RPS6KA6: variants seen among roughly 807,000 people sequenced by gnomAD.
RPS6KA6 encodes the protein ribosomal protein S6 kinase A6, also known as ribosomal protein S6 kinase alpha-6.
RPS6KA6 carries 27 observed loss-of-function variants against 65.4 expected under a neutral mutation model. The ratio of observed to expected loss-of-function variants is 0.41; its 90% CI spans 0.30 to 0.57. RPS6KA6 has a LOEUF of 0.57. Ranked by LOEUF, RPS6KA6 falls within the 20% of genes least tolerant of loss-of-function variation. RPS6KA6 has a pLI of 0.24. For synonymous variants in RPS6KA6, 190 were observed against 184.2 expected (o/e 1.03, Z -0.26); for missense variants, 486 against 555.6 (o/e 0.87, Z 1.26).
At chrX:84,120,109 A>G in intron 8 of RPS6KA6, 82 bp from the exon 9 acceptor site, 1 of 683,650 alleles carries the variant, frequency 1.5e-6, no homozygotes, top group Non-Finnish European at 2.1e-6. Flanking sequence ...ATAATGTATT[A>G]AACATTACAA....
intron 5 of RPS6KA6, among the ~76,000 whole-genome samples, chrX:84,146,227 A>C: frequency 9.0e-6 from 1 of 111,643 alleles, no homozygotes; most frequent in Admixed American, 9.6e-5. Flanking sequence ...CTGTTAGTAT[A>C]ACAAGGAGTA....
chrX:84,105,457 A>G (rs2147429965), intron 16 of RPS6KA6, among the ~76,000 whole-genome samples: 1 of 111,376 alleles, frequency 9.0e-6, no homozygotes, highest in African/African-American at 3.2e-5. Flanking sequence ...AATTTGGCAG[A>G]TCCCCAGTCT....
chrX:84,111,882 T>G (rs1156537556), intron 12 of RPS6KA6, among the ~76,000 whole-genome samples: 3 of 111,447 alleles, frequency 2.7e-5, no homozygotes, highest in Admixed American at 1.9e-4. Context: ...CCAAAATACG[T>G]AGACCAGCAA....
intron 6 of RPS6KA6, among the ~76,000 whole-genome samples, chrX:84,140,859 CT>C (rs997051106): frequency 2.8e-5 from 3 of 108,550 alleles, no homozygotes; most frequent in African/African-American, 1.0e-4. Context: ...ACCCACTCAG[CT>C]CACAAAGGAC....
At chrX:84,106,549 T>G in intron 14 of RPS6KA6, 62 bp from the exon 15 acceptor site, 2 of 788,721 alleles carry the variant, frequency 2.5e-6, no homozygotes, top group Non-Finnish European at 3.6e-6. Flanking sequence ...TTTCTGTCTT[T>G]TGTCCTAAAT....
chrX:84,182,216 A>G (rs759049756), intron 1 of RPS6KA6, among the ~76,000 whole-genome samples: 7 of 110,614 alleles, frequency 6.3e-5, no homozygotes, highest in Non-Finnish European at 1.1e-4. Context: ...TGCAAAAGCC[A>G]GATTTAGCTC....
intron 6 of RPS6KA6, among the ~76,000 whole-genome samples, chrX:84,138,914 C>A (rs374004614): frequency 2.1e-4 from 23 of 109,918 alleles, no homozygotes; most frequent in East Asian, 2.0e-3. Context: ...TTATAAAATT[C>A]TTTAAAACAT....
chrX:84,072,661 C>T (rs2033571173), intron 20 of RPS6KA6, among the ~76,000 whole-genome samples: 1 of 111,553 alleles, frequency 9.0e-6, no homozygotes, highest in African/African-American at 3.3e-5. Context: ...CTAAAGATGC[C>T]ACCAAAAATT....
chrX:84,118,847 T>C (rs202060009), intron 9 of RPS6KA6, among the ~76,000 whole-genome samples: 2 of 111,870 alleles, frequency 1.8e-5, no homozygotes, highest in East Asian at 5.7e-4. Flanking sequence ...TACAATTTTC[T>C]CTAATTTCCA....
chrX:84,161,021 C>G (rs73232990), intron 2 of RPS6KA6, among the ~76,000 whole-genome samples: 151 of 110,843 alleles, frequency 1.4e-3, no homozygotes, highest in Non-Finnish European at 2.4e-3. Flanking sequence ...GTTCCCTCAT[C>G]TACAAATTGG....
intron 1 of RPS6KA6, among the ~76,000 whole-genome samples, chrX:84,164,912 T>G (rs2035574109): frequency 9.0e-6 from 1 of 111,685 alleles, no homozygotes; most frequent in Admixed American, 9.5e-5. Context: ...CATGCAGAGC[T>G]CAGTAGGTAA....
chrX:84,082,391 G>A (rs1181619042), intron 20 of RPS6KA6, among the ~76,000 whole-genome samples: 3 of 111,545 alleles, frequency 2.7e-5, no homozygotes, highest in Admixed American at 1.9e-4. Context: ...ACTTACAAGC[G>A]ATGTGAAGGA....
chrX:84,107,797 A>G (rs2034389470), intron 12 of RPS6KA6, 72 bp from the exon 13 acceptor site: 1 of 524,283 alleles, frequency 1.9e-6, no homozygotes. Flanking sequence ...AAAACAAAGC[A>G]GAACATAATA....
chrX:84,155,411 C>A (rs2035399041), intron 3 of RPS6KA6, among the ~76,000 whole-genome samples: 2 of 111,196 alleles, frequency 1.8e-5, no homozygotes, highest in Non-Finnish European at 1.9e-5. Flanking sequence ...CAATAATTTT[C>A]ATGTATTAGA....
At chrX:84,077,917 G>A (rs769560858) in intron 20 of RPS6KA6, among the ~76,000 whole-genome samples, 208 of 112,310 alleles carry the variant, frequency 1.9e-3, no homozygotes, top group African/African-American at 6.5e-3. Context: ...TCATCAGTCA[G>A]TCAAACCATC....
chrX:84,187,778 G>A (rs772758912), intron 1 of RPS6KA6, 41 bp downstream of exon 1: 56 of 1,157,469 alleles, frequency 4.8e-5, no homozygotes, highest in Middle Eastern at 2.4e-4. Flanking sequence ...AGGGGAAGGA[G>A]GCGGGGGTTG....
At chrX:84,083,028 T>C (rs879169756) in intron 20 of RPS6KA6, among the ~76,000 whole-genome samples, 1 of 112,147 alleles carries the variant, frequency 8.9e-6, no homozygotes, top group African/African-American at 3.2e-5. Flanking sequence ...ATTCAGGACA[T>C]AGGCATGGGC....
intron 9 of RPS6KA6, among the ~76,000 whole-genome samples, chrX:84,118,136 T>C (rs191779728): frequency 2.7e-5 from 3 of 112,267 alleles, no homozygotes; most frequent in African/African-American, 3.2e-5. Flanking sequence ...AGTTTTTGTA[T>C]CACCAGTATT....
chrX:84,067,509 T>G (rs920276798), intron 20 of RPS6KA6, among the ~76,000 whole-genome samples: 1 of 111,463 alleles, frequency 9.0e-6, no homozygotes, highest in African/African-American at 3.3e-5. Context: ...ATTGATCAAG[T>G]AGAAGAAATG....
Sources: allele counts gnomAD v4.1 joint callset (sites outside exome capture counted in the v4.1 genomes callset), GRCh38; gene constraint gnomAD v4.1.1; transcripts MANE v1.5; gene names NCBI Gene and HGNC (gene_info 2026-07-23, HGNC 2026-07-21).